Variants in SUPT3H observed in about 807,000 individuals in gnomAD.
SUPT3H encodes the protein transcription initiation protein SPT3 homolog.
A neutral mutation model predicts 44.3 loss-of-function variants in SUPT3H; 44 were observed. The ratio of observed to expected loss-of-function variants is 0.99; its 90% CI spans 0.78 to 1.28. The LOEUF is 1.28. SUPT3H is among the 50% of genes most tolerant of loss of function. SUPT3H has a pLI of 0.00. For synonymous variants in SUPT3H, 124 were observed against 125.6 expected (o/e 0.99, Z 0.09); for missense variants, 380 against 387.1 (o/e 0.98, Z 0.15).
chr6:45,177,243 A>T (rs1174470894), intron 2 of SUPT3H, among the ~76,000 whole-genome samples: 1 of 152,230 alleles, frequency 6.6e-6, no homozygotes, highest in Non-Finnish European at 1.5e-5. Flanking sequence ...TGGAGCTGAA[A>T]ACCAAGGCTC....
chr6:45,374,531 G>A (rs542142258), intron 1 of SUPT3H, among the ~76,000 whole-genome samples: 3 of 152,288 alleles, frequency 2.0e-5, no homozygotes, highest in African/African-American at 2.4e-5. Flanking sequence ...ACCCACTTCA[G>A]TATAAACTTA....
intron 10 of SUPT3H, among the ~76,000 whole-genome samples, chr6:44,836,332 C>T (rs1769879549): frequency 6.6e-6 from 1 of 152,148 alleles, no homozygotes; most frequent in African/African-American, 2.4e-5. Flanking sequence ...CATCATTAAA[C>T]ATTTTTCTTT....
rs563333436 is a variant in SUPT3H at position 45,306,384 on chromosome 6, T to C, written c.101+58817A>G. On this transcript the variant is annotated intron_variant, in intron 2 of 10. Coordinates refer to ENST00000371459, the MANE Select transcript of SUPT3H (RefSeq NM_003599.4). Reference sequence around the variant, plus strand: ...TATTAGCCACTGAGGATTCACACTATTGGCCACTGAGCATCCCTCCAATCT... The same window carrying C: ...TATTAGCCACTGAGGATTCACACTACTGGCCACTGAGCATCCCTCCAATCT... Among the ~76,000 whole-genome samples, 7 of 152,256 alleles carry C rather than the reference T, an allele frequency of 4.6e-5. No homozygotes were observed. In the South Asian group the frequency reaches 6.2e-4, roughly 14 times the overall value.
intron 10 of SUPT3H, among the ~76,000 whole-genome samples, chr6:44,898,490 C>T (rs552508788): frequency 3.3e-5 from 5 of 152,224 alleles, no homozygotes; most frequent in Non-Finnish European, 7.3e-5. Flanking sequence ...TGGCTGACAT[C>T]TGACTGCAAC....
At chr6:45,106,268 C>T (rs573076999) in intron 2 of SUPT3H, among the ~76,000 whole-genome samples, 1 of 152,018 alleles carries the variant, frequency 6.6e-6, no homozygotes, top group Non-Finnish European at 1.5e-5. Flanking sequence ...TCCGCCTCTA[C>T]AATAAATACA....
intron 10 of SUPT3H, among the ~76,000 whole-genome samples, chr6:44,854,405 A>C (rs531176516): frequency 3.9e-4 from 59 of 152,064 alleles, no homozygotes; most frequent in Non-Finnish European, 7.8e-4. Context: ...TTTACCACCT[A>C]TTTTGAAAAG....
rs543348483 is a variant in SUPT3H at position 45,278,130 on chromosome 6, G to T, written c.101+87071C>A. Among the ~76,000 whole-genome samples, 3 of 151,048 alleles carry T rather than the reference G, an allele frequency of 2.0e-5. No homozygotes were observed. The South Asian group carries it at 6.3e-4, about 32-fold the overall frequency. On this transcript the variant is annotated intron_variant, in intron 2 of 10. Coordinates refer to ENST00000371459, the MANE Select transcript of SUPT3H (RefSeq NM_003599.4). ...ACACAATGGGGCCTGTCGGCAGTGG[G>T]TGGGGTCGGGGGAGGGTTGGGAGGC...
At chr6:45,026,851 T>A (rs930086966) in intron 3 of SUPT3H, among the ~76,000 whole-genome samples, 1 of 152,174 alleles carries the variant, frequency 6.6e-6, no homozygotes, top group East Asian at 1.9e-4. Flanking sequence ...TTTGTTTAAA[T>A]ATACAGTGTT....
intron 10 of SUPT3H, among the ~76,000 whole-genome samples, chr6:44,891,083 C>G (rs1190330412): frequency 1.3e-5 from 2 of 152,152 alleles, no homozygotes; most frequent in East Asian, 1.9e-4. Context: ...ACCTATGTAA[C>G]AAACCTGTAC....
chr6:45,168,231 A>C (rs895655415), intron 2 of SUPT3H, among the ~76,000 whole-genome samples: 10 of 152,192 alleles, frequency 6.6e-5, no homozygotes. Context: ...ACTGCTTTCT[A>C]GGAATCTCAC....
At chr6:45,309,978 C>A (rs574055998) in intron 2 of SUPT3H, among the ~76,000 whole-genome samples, 1 of 152,074 alleles carries the variant, frequency 6.6e-6, no homozygotes, top group Non-Finnish European at 1.5e-5. Context: ...CTGAAGAAAG[C>A]GGACTGCTCC....
At chr6:45,363,363 G>C (rs546452639) in intron 2 of SUPT3H, among the ~76,000 whole-genome samples, 1 of 152,184 alleles carries the variant, frequency 6.6e-6, no homozygotes, top group Non-Finnish European at 1.5e-5. Flanking sequence ...TAAGATGTCT[G>C]GGATTTGCTT....
chr6:45,156,130 A>G (rs1476253346), intron 2 of SUPT3H, among the ~76,000 whole-genome samples: 1 of 152,214 alleles, frequency 6.6e-6, no homozygotes, highest in Non-Finnish European at 1.5e-5. Context: ...TCTATGGCCA[A>G]TAATTATGCT....
At chr6:45,143,238 A>G (rs1320158499) in intron 2 of SUPT3H, among the ~76,000 whole-genome samples, 1 of 152,114 alleles carries the variant, frequency 6.6e-6, no homozygotes, top group Admixed American at 6.6e-5. Context: ...CTACCCAACA[A>G]CTGCAGAATA....
intron 2 of SUPT3H, among the ~76,000 whole-genome samples, chr6:45,224,475 A>T (rs74411807): frequency 0.013 from 1,916 of 152,284 alleles, 52 homozygotes; most frequent in African/African-American, 0.044. Context: ...CTTCAAAAAA[A>T]TTTAAATCTC....
intron 2 of SUPT3H, among the ~76,000 whole-genome samples, chr6:45,341,083 A>G (rs1463693169): frequency 6.6e-6 from 1 of 152,192 alleles, no homozygotes; most frequent in Non-Finnish European, 1.5e-5. Flanking sequence ...CCAAAAAAAT[A>G]CTGCACAAGA....
chr6:45,110,728 ATTTGCTAAAATCT>A (rs1017224403), intron 2 of SUPT3H, among the ~76,000 whole-genome samples: 1 of 152,134 alleles, frequency 6.6e-6, no homozygotes, highest in African/African-American at 2.4e-5. Context: ...GCATCATTTC[ATTTGCTAAAATCT>A]TTTGCTAACC....
rs964925539 is a variant in SUPT3H, at chr6:45,032,367, T to C, written c.187-11735A>G. On this transcript the variant is annotated intron_variant, in intron 3 of 10. Transcript: ENST00000371459. ...CAGATTTTATTACACTTACAGATCA[T>C]TGTAAAGATTAAATGAAATAATGTA... is the stretch of plus-strand genomic sequence containing the variant. 8.5e-5 allele frequency among the ~76,000 whole-genome samples: 13 copies of C among 152,216 alleles called. No homozygotes were observed. The East Asian group carries it at 1.3e-3, about 16-fold the overall frequency.
At chr6:45,165,591 A>C (rs1248969693) in intron 2 of SUPT3H, among the ~76,000 whole-genome samples, 2 of 152,230 alleles carry the variant, frequency 1.3e-5, no homozygotes, top group East Asian at 3.9e-4. Context: ...AATATGTTAA[A>C]GGTCCTAGTG....
Sources: gnomAD v4.1 joint callset for allele counts (sites outside exome capture counted in the v4.1 genomes callset) on GRCh38, gnomAD v4.1.1 for gene constraint, MANE v1.5 for transcripts, NCBI Gene and HGNC (gene_info 2026-07-23, HGNC 2026-07-21) for gene names.